CADM2: variants seen among roughly 807,000 people sequenced by gnomAD.
The protein encoded by CADM2 is immunoglobulin superfamily member 4D.
In CADM2, 12 loss-of-function variants were observed where a neutral mutation model predicts 49.8. The ratio of observed to expected loss-of-function variants is 0.24; its 90% confidence interval spans 0.15 to 0.39. The LOEUF is 0.39. Ranked by LOEUF, CADM2 falls within the 10% of genes least tolerant of loss-of-function variation. The pLI, the probability that CADM2 is intolerant of heterozygous loss-of-function variation, is 1.00. For missense variants in CADM2, 378 were observed against 492.3 expected, an observed-to-expected ratio of 0.77 and a Z score of 2.20; for synonymous variants, 214 against 175.4, an observed-to-expected ratio of 1.22 and a Z score of -1.74.
At chr3:85,275,224 G>C (rs1027520835) in intron 1 of CADM2, among the ~76,000 whole-genome samples, 1 of 151,598 alleles carries the variant, frequency 6.6e-6, no homozygotes, top group Non-Finnish European at 1.5e-5. Flanking sequence ...TTGGTGATCA[G>C]TGATAATATT....
chr3:85,258,005 A>C (rs925976768), intron 1 of CADM2, among the ~76,000 whole-genome samples: 1 of 152,102 alleles, frequency 6.6e-6, no homozygotes, highest in Non-Finnish European at 1.5e-5. Context: ...TACTTATTTC[A>C]CAGGTGCAGT....
chr3:85,615,733 C>G (rs960695720), intron 1 of CADM2, among the ~76,000 whole-genome samples: 8 of 151,566 alleles, frequency 5.3e-5, no homozygotes, highest in African/African-American at 1.9e-4. Flanking sequence ...ATTTGCATTA[C>G]CAATTCACAT....
chr3:85,911,538 G>C (rs186728627), intron 5 of CADM2, among the ~76,000 whole-genome samples: 15 of 152,294 alleles, frequency 9.8e-5, no homozygotes, highest in African/African-American at 2.6e-4. Context: ...AAAATATTCA[G>C]ATGGCTGTGC....
At chr3:85,914,666 A>C (rs1180399959) in intron 6 of CADM2, among the ~76,000 whole-genome samples, 4 of 152,210 alleles carry the variant, frequency 2.6e-5, no homozygotes, top group African/African-American at 7.2e-5. Context: ...CAGATCACCC[A>C]AAATCTACCA....
intron 1 of CADM2, among the ~76,000 whole-genome samples, chr3:85,617,222 T>C (rs2063824543): frequency 6.6e-6 from 1 of 152,112 alleles, no homozygotes; most frequent in Non-Finnish European, 1.5e-5. Context: ...GTCTGGACCT[T>C]GGGAATTTCT....
intron 1 of CADM2, among the ~76,000 whole-genome samples, chr3:85,701,093 G>A (rs575993483): frequency 6.6e-5 from 10 of 152,176 alleles, no homozygotes; most frequent in East Asian, 1.9e-4. Context: ...TGGAGGCCTC[G>A]GGAAACTTAG....
At chr3:85,979,542 T>C (rs1363793084) in intron 8 of CADM2, among the ~76,000 whole-genome samples, 1 of 151,670 alleles carries the variant, frequency 6.6e-6, no homozygotes, top group Admixed American at 6.6e-5. Flanking sequence ...TTTAAAATGT[T>C]GGTCAAATTT....
intron 5 of CADM2, among the ~76,000 whole-genome samples, chr3:85,900,039 T>G (rs978396475): frequency 1.3e-5 from 2 of 152,204 alleles, no homozygotes; most frequent in Non-Finnish European, 2.9e-5. Flanking sequence ...CAAATTCTTT[T>G]GCATGGGTTC....
chr3:85,265,307 T>G (rs548955310), intron 1 of CADM2, among the ~76,000 whole-genome samples: 28 of 152,102 alleles, frequency 1.8e-4, no homozygotes, highest in South Asian at 1.7e-3. Context: ...ATATTTTTTT[T>G]TGTGTTAGTA....
At chr3:84,976,068 TG>T (rs1264037985) in intron 1 of CADM2, among the ~76,000 whole-genome samples, 1 of 151,838 alleles carries the variant, frequency 6.6e-6, no homozygotes, top group Non-Finnish European at 1.5e-5. Flanking sequence ...AGAAACCTAA[TG>T]GTAAATAGAT....
intron 1 of CADM2, among the ~76,000 whole-genome samples, chr3:85,302,261 A>T (rs931215461): frequency 2.0e-5 from 3 of 151,994 alleles, no homozygotes; most frequent in Non-Finnish European, 4.4e-5. Flanking sequence ...TAATTGCTTC[A>T]TTTGATTTTT....
chr3:85,935,885 T>G, intron 7 of CADM2, 28 bp downstream of exon 7: 1 of 1,332,250 alleles, frequency 7.5e-7, no homozygotes, highest in Non-Finnish European at 1.1e-6. Flanking sequence ...CAATAAAGCT[T>G]TTAACTTTTT....
chr3:85,812,446 C>G (rs1014496137), intron 3 of CADM2, among the ~76,000 whole-genome samples: 15 of 152,080 alleles, frequency 9.9e-5, no homozygotes, highest in African/African-American at 3.6e-4. Context: ...ATACTGATTT[C>G]TGGTGACATA....
intron 1 of CADM2, among the ~76,000 whole-genome samples, chr3:85,707,736 TA>T (rs2066995076): frequency 6.6e-6 from 1 of 152,140 alleles, no homozygotes; most frequent in Non-Finnish European, 1.5e-5. Context: ...TCTTTAAAAA[TA>T]TATATCAGTA....
At chr3:85,612,415 A>C (rs868507446) in intron 1 of CADM2, among the ~76,000 whole-genome samples, 2 of 151,836 alleles carry the variant, frequency 1.3e-5, no homozygotes, top group Non-Finnish European at 2.9e-5. Context: ...AATTGTGTTT[A>C]AATAGTTGTA....
chr3:85,804,642 C>T (rs568197119), intron 3 of CADM2, among the ~76,000 whole-genome samples: 1 of 152,052 alleles, frequency 6.6e-6, no homozygotes, highest in African/African-American at 2.4e-5. Context: ...TATGAAATGC[C>T]CTTGCCTCCA....
intron 1 of CADM2, among the ~76,000 whole-genome samples, chr3:85,658,045 A>T (rs911735106): frequency 1.3e-5 from 2 of 152,130 alleles, no homozygotes; most frequent in Non-Finnish European, 2.9e-5. Flanking sequence ...GAGCTGAGCC[A>T]TGAACTGATG....
intron 7 of CADM2, among the ~76,000 whole-genome samples, chr3:85,943,085 G>C (rs1722160589): frequency 6.6e-6 from 1 of 152,130 alleles, no homozygotes; most frequent in Non-Finnish European, 1.5e-5. Flanking sequence ...CTGATGGCCA[G>C]TGAAGATGAA....
intron 8 of CADM2, among the ~76,000 whole-genome samples, chr3:85,977,056 T>A (rs894637406): frequency 4.6e-5 from 7 of 151,224 alleles, no homozygotes; most frequent in Non-Finnish European, 1.0e-4. Context: ...AAATTCAGGA[T>A]TTATTACTGC....
Sources: allele counts gnomAD v4.1 joint callset (sites outside exome capture counted in the v4.1 genomes callset), GRCh38; gene constraint gnomAD v4.1.1; transcripts MANE v1.5; gene names NCBI Gene and HGNC (gene_info 2026-07-23, HGNC 2026-07-21).